PLD5: variants seen among roughly 807,000 people sequenced by gnomAD.
PLD5 encodes the protein phospholipase D family member 5, also known as inactive phospholipase D5.
In PLD5, 36 loss-of-function variants were observed where a neutral mutation model predicts 61.1. The ratio of observed to expected loss-of-function variants is 0.59; its 90% CI spans 0.45 to 0.78. PLD5 has a LOEUF of 0.78. Ranked by LOEUF, PLD5 falls within the 30% of genes least tolerant of loss-of-function variation. The probability of loss-of-function intolerance (pLI) is 0.00; values close to 1 mark genes in which losing one functional copy is unlikely to be tolerated. For synonymous variants in PLD5, 243 were observed against 242.8 expected (o/e 1.00, Z -0.01); for missense variants, 515 against 644.4 (o/e 0.80, Z 2.17).
rs1468170962 is a variant in PLD5, at chr1:242,101,615, C to T, written c.1240-833G>A. Among the ~76,000 whole-genome samples the T allele has an allele frequency of 2.0e-5, 3 of 152,244 alleles. No individual in the cohort carries two copies. The Middle Eastern group carries it at 0.01, about 518-fold the overall frequency. Reference sequence around the variant, plus strand: ...TGAGTATTTTCAGAACTGCGTGGAACCTTGTGGAATGTCTTACAGCTATAG... The same window carrying T: ...TGAGTATTTTCAGAACTGCGTGGAATCTTGTGGAATGTCTTACAGCTATAG... On this transcript the variant is annotated intron_variant, in intron 8 of 9. Transcript: ENST00000536534.
At chr1:242,255,275 C>A (rs1404540100) in intron 4 of PLD5, among the ~76,000 whole-genome samples, 2 of 152,050 alleles carry the variant, frequency 1.3e-5, no homozygotes, top group Non-Finnish European at 2.9e-5. Flanking sequence ...AGGGAAACTA[C>A]CAAATTATAC....
intron 2 of PLD5, among the ~76,000 whole-genome samples, chr1:242,316,066 TGGAAAA>T (rs1676988077): frequency 5.3e-5 from 8 of 152,102 alleles, no homozygotes; most frequent in African/African-American, 1.9e-4. Context: ...TTTCCTCGTG[TGGAAAA>T]AGGAGGGGAA....
At chr1:242,201,429 G>A (rs920240008) in intron 5 of PLD5, among the ~76,000 whole-genome samples, 1 of 152,146 alleles carries the variant, frequency 6.6e-6, no homozygotes, top group Admixed American at 6.6e-5. Context: ...TCAGCTAAGT[G>A]AATCTTTGTT....
intron 4 of PLD5, among the ~76,000 whole-genome samples, chr1:242,237,482 G>T (rs1671711844): frequency 6.6e-6 from 1 of 152,184 alleles, no homozygotes; most frequent in African/African-American, 2.4e-5. Context: ...ATGAGGTAGA[G>T]CTTTCTTAGT....
At position 242,263,097 on chromosome 1, in the gene PLD5, C is replaced by T. The variant is rs1249264000; in HGVS notation, c.607+2240G>A. 2.0e-5 allele frequency among the ~76,000 whole-genome samples: 3 copies of T among 152,174 alleles called. No individual in the cohort carries two copies. The South Asian group carries it at 6.2e-4, about 32-fold the overall frequency. ...GGAACAGGAATGACCTGCACACCAC[C>T]CGTCAGAAGGGCCTTGGCCAGCTGT... On this transcript the variant is annotated intron_variant, in intron 4 of 9. Coordinates refer to ENST00000536534, the MANE Select transcript of PLD5 (RefSeq NM_001372062.1).
intron 1 of PLD5, among the ~76,000 whole-genome samples, chr1:242,368,392 C>G (rs1372870214): frequency 6.6e-6 from 1 of 152,040 alleles, no homozygotes; most frequent in Non-Finnish European, 1.5e-5. Flanking sequence ...AGATCAAAGA[C>G]CTGGACACAA....
intron 6 of PLD5, among the ~76,000 whole-genome samples, chr1:242,123,720 T>C (rs530330371): frequency 3.9e-5 from 6 of 152,302 alleles, no homozygotes; most frequent in South Asian, 2.1e-4. Flanking sequence ...TGAATGGGCA[T>C]TGAACAAAAC....
At chr1:242,142,126 A>G (rs1664216165) in intron 5 of PLD5, among the ~76,000 whole-genome samples, 1 of 152,216 alleles carries the variant, frequency 6.6e-6, no homozygotes, top group Non-Finnish European at 1.5e-5. Context: ...GAGGAACAGC[A>G]GAAAGGTTTT....
At chr1:242,242,006 T>TAGACACAC (rs1558388065) in intron 4 of PLD5, among the ~76,000 whole-genome samples, 48 of 125,092 alleles carry the variant, frequency 3.8e-4, no homozygotes, top group African/African-American at 1.1e-3. Context: ...TATATATATA[T>TAGACACAC]ATATAGACAC....
intron 1 of PLD5, among the ~76,000 whole-genome samples, chr1:242,516,913 A>T (rs971167834): frequency 2.6e-5 from 4 of 152,224 alleles, no homozygotes; most frequent in Non-Finnish European, 5.9e-5. Context: ...GGGGAGAATT[A>T]AAAAGAAGTC....
At chr1:242,168,938 G>C (rs10926630) in intron 5 of PLD5, among the ~76,000 whole-genome samples, 5 of 134,764 alleles carry the variant, frequency 3.7e-5, no homozygotes, top group African/African-American at 1.4e-4. Flanking sequence ...TAAAGACAAA[G>C]AAAAGGGAGA....
chr1:242,352,869 C>T (rs1660553894), intron 1 of PLD5, among the ~76,000 whole-genome samples: 1 of 152,278 alleles, frequency 6.6e-6, no homozygotes. Context: ...AAGCCCTTTA[C>T]TTATTTCTTA....
intron 1 of PLD5, among the ~76,000 whole-genome samples, chr1:242,483,032 C>T (rs1667836112): frequency 6.6e-6 from 1 of 152,166 alleles, no homozygotes; most frequent in African/African-American, 2.4e-5. Context: ...ACCACCAGGC[C>T]TGCCCTACAA....
At chr1:242,160,899 A>T (rs1297878764) in intron 5 of PLD5, among the ~76,000 whole-genome samples, 3 of 151,956 alleles carry the variant, frequency 2.0e-5, no homozygotes, top group Non-Finnish European at 4.4e-5. Flanking sequence ...AATAATAATT[A>T]AAAAAAGTTT....
chr1:242,392,961 T>C (rs914637570), intron 1 of PLD5, among the ~76,000 whole-genome samples: 3 of 151,804 alleles, frequency 2.0e-5, no homozygotes, highest in African/African-American at 7.3e-5. Context: ...CTCAGCACTT[T>C]GGGAGGCCGA....
At position 242,393,992 on chromosome 1, in the gene PLD5, G is replaced by A. The variant is rs748947363; in HGVS notation, c.190-45750C>T. 5.6e-5 allele frequency among the ~76,000 whole-genome samples: 8 copies of A among 143,662 alleles called. 1 individual carries two copies. The highest frequency in any genetic ancestry group is 7.7e-5 in the African/African-American group (3 of 38,866). 94.2% of individuals were successfully genotyped at this position (143,662 alleles called of 152,430 possible). ...GGAGAATCACTTGAACCCGGAAGGC[G>A]GAGGTTGCAGTGAGCTGAGATCACG... On this transcript the variant is annotated intron_variant, in intron 1 of 9. Coordinates refer to ENST00000536534, the MANE Select transcript of PLD5 (RefSeq NM_001372062.1).
At chr1:242,432,895 C>T (rs377019515) in intron 1 of PLD5, among the ~76,000 whole-genome samples, 1 of 152,136 alleles carries the variant, frequency 6.6e-6, no homozygotes, top group Non-Finnish European at 1.5e-5. Flanking sequence ...CCAAGAGATA[C>T]AGAGATGGAA....
intron 3 of PLD5, among the ~76,000 whole-genome samples, chr1:242,270,790 C>T (rs1674018558): frequency 6.6e-6 from 1 of 152,202 alleles, no homozygotes; most frequent in Non-Finnish European, 1.5e-5. Flanking sequence ...GGGGAGAGGC[C>T]TCCTTTGGTT....
chr1:242,177,959 A>C (rs1460567746), intron 5 of PLD5: 1 of 152,240 alleles, frequency 6.6e-6, no homozygotes, highest in Non-Finnish European at 1.5e-5. Context: ...CTGGATGCGA[A>C]TTACTGGTCT....
Sources: gnomAD v4.1 joint callset for allele counts (sites outside exome capture counted in the v4.1 genomes callset) on GRCh38, gnomAD v4.1.1 for gene constraint, MANE v1.5 for transcripts, NCBI Gene and HGNC (gene_info 2026-07-23, HGNC 2026-07-21) for gene names.